IL27RA: variants seen among roughly 807,000 people sequenced by gnomAD.
The protein encoded by IL27RA is interleukin-27 receptor subunit alpha.
A neutral mutation model predicts 80.8 loss-of-function variants in IL27RA; 61 were observed. That is an observed-to-expected ratio of 0.76 (90% confidence interval 0.61 to 0.93). The LOEUF is 0.93. Ranked by LOEUF, IL27RA falls within the 40% of genes least tolerant of loss-of-function variation. The pLI is 0.00. For synonymous variants in IL27RA, 316 were observed against 332.5 expected (o/e 0.95, Z 0.54); for missense variants, 735 against 808.1 (o/e 0.91, Z 1.10).
At chr19:14,047,585 G>C (rs1470453625) in intron 8 of IL27RA, among the ~76,000 whole-genome samples, 1 of 151,038 alleles carries the variant, frequency 6.6e-6, no homozygotes, top group African/African-American at 2.4e-5. Flanking sequence ...TCAAACTCCT[G>C]ACCTCAAGAG....
intron 2 of IL27RA, among the ~76,000 whole-genome samples, chr19:14,037,340 A>C (rs76518002): frequency 2.0e-5 from 3 of 151,538 alleles, no homozygotes; most frequent in Admixed American, 6.6e-5. Flanking sequence ...AGCTCAATGC[A>C]ACCTCCATCT....
At chr19:14,037,853 A>G (rs1408509930) in intron 2 of IL27RA, among the ~76,000 whole-genome samples, 1 of 102,804 alleles carries the variant, frequency 9.7e-6, no homozygotes, top group Non-Finnish European at 2.1e-5. Context: ...TTTTTTTGAA[A>G]TGGAGTCTTG....
chr19:14,034,392 G>A (rs1032934701), intron 2 of IL27RA, among the ~76,000 whole-genome samples: 7 of 152,088 alleles, frequency 4.6e-5, no homozygotes, highest in Non-Finnish European at 4.4e-5. Context: ...CTACACGGTG[G>A]CTCACGCCTG....
At chr19:14,047,585 G>A (rs1470453625) in intron 8 of IL27RA, among the ~76,000 whole-genome samples, 1 of 151,038 alleles carries the variant, frequency 6.6e-6, no homozygotes, top group African/African-American at 2.4e-5. Context: ...TCAAACTCCT[G>A]ACCTCAAGAG....
intron 4 of IL27RA, 105 bp from the exon 5 acceptor site, chr19:14,042,345 CACA>C: frequency 1.7e-6 from 2 of 1,204,144 alleles, no homozygotes; most frequent in African/African-American, 1.5e-5. Flanking sequence ...TAGCCTGGGC[CACA>C]ACGAGACTGT....
chr19:14,032,122 CTG>C, intron 1 of IL27RA, 150 bp downstream of exon 1: 2 of 780,770 alleles, frequency 2.6e-6, no homozygotes, highest in Middle Eastern at 2.4e-4. Flanking sequence ...CCCGGCGACA[CTG>C]GGGAATGGGC....
intron 6 of IL27RA, among the ~76,000 whole-genome samples, chr19:14,045,265 CA>C (rs1976047913): frequency 1.4e-5 from 2 of 145,818 alleles, no homozygotes; most frequent in South Asian, 4.3e-4. Flanking sequence ...TCAGCCTGTA[CA>C]ATAGTGAGAA....
rs1162086508 is a variant in IL27RA at position 14,052,908 on chromosome 19, A to G, written c.*618A>G. On this transcript the variant is annotated 3_prime_UTR_variant, in exon 14 of 14. Coordinates refer to ENST00000263379, the MANE Select transcript of IL27RA (RefSeq NM_004843.4). ...ATAAACAAACTAATAAAAAGCAAAA[A>G]AAAAAAAAAAAGAAAAGAAAAAACA... 6.7e-6 allele frequency: 1 copy of G among 149,228 alleles called. No homozygotes were observed. Among genetic ancestry groups the G allele is most frequent in the Non-Finnish European group, 1.5e-5 (1 of 67,964 alleles). 9.2% of individuals were successfully genotyped at this position (149,228 alleles called of 1,614,324 possible). A position where few individuals can be genotyped will look rare whatever the true frequency, so the allele number is the denominator to read the frequency against.
intron 2 of IL27RA, among the ~76,000 whole-genome samples, chr19:14,035,216 C>T (rs985997994): frequency 2.0e-5 from 3 of 152,022 alleles, no homozygotes; most frequent in Admixed American, 6.6e-5. Flanking sequence ...AGACTGCTTT[C>T]GAACTACTGG....
At chr19:14,037,832 C>CTCTT (rs1020106449) in intron 2 of IL27RA, among the ~76,000 whole-genome samples, 1 of 125,056 alleles carries the variant, frequency 8.0e-6, no homozygotes, top group Non-Finnish European at 1.7e-5. Flanking sequence ...CGCTCTCTCT[C>CTCTT]TCTTTTTTTT....
intron 2 of IL27RA, among the ~76,000 whole-genome samples, chr19:14,038,501 C>T (rs1975937422): frequency 6.7e-6 from 1 of 150,058 alleles, no homozygotes; most frequent in African/African-American, 2.5e-5. Flanking sequence ...TTGCTTGAGC[C>T]TAGGAGTTCA....
At position 14,042,477 on chromosome 19, in the gene IL27RA, C is replaced by T. The variant is rs771613943; in HGVS notation, c.559C>T (p.Pro187Ser). The change falls in exon 5 of 14, where the codon CCC (proline) becomes TCC (serine). Residue 187 changes from proline (P) to serine (S), a missense_variant. Transcript: ENST00000263379. ...TLLEPELKTI[P>S]LTPVEIQDLE... ...GCTGGAACCGGAGCTGAAGACCATACCCCTGACCCCTGTTGAGATCCAAGA... is the reference window on the plus strand; with the variant it reads ...GCTGGAACCGGAGCTGAAGACCATATCCCTGACCCCTGTTGAGATCCAAGA... 6.2e-6 allele frequency: 10 copies of T among 1,614,050 alleles called. No individual in the cohort carries two copies. In the South Asian group the frequency reaches 1.1e-4, roughly 18 times the overall value.
chr19:14,046,125 AT>A, intron 6 of IL27RA, 28 bp from the exon 7 acceptor site: 1 of 1,602,166 alleles, frequency 6.2e-7, no homozygotes. Flanking sequence ...AATGGGAGAC[AT>A]TAACCCCTTT....
intron 1 of IL27RA, 42 bp from the exon 2 acceptor site, chr19:14,032,344 G>C (rs565629417): frequency 6.9e-7 from 1 of 1,449,110 alleles, no homozygotes; most frequent in African/African-American, 1.4e-5. Context: ...GGAAGGGGGG[G>C]ATTCGACCCC....
chr19:14,042,256 C>T (rs1975999806), intron 4 of IL27RA, among the ~76,000 whole-genome samples, 197 bp from the exon 5 acceptor site: 1 of 151,612 alleles, frequency 6.6e-6, no homozygotes. Context: ...ATCCCAGCTA[C>T]TCAGGAGGCT....
intron 2 of IL27RA, among the ~76,000 whole-genome samples, chr19:14,032,785 G>C (rs1403705374): frequency 7.3e-6 from 1 of 137,534 alleles, no homozygotes; most frequent in Non-Finnish European, 1.5e-5. Context: ...CAGCCTGGGG[G>C]ACAGAGGGAG....
intron 4 of IL27RA, among the ~76,000 whole-genome samples, chr19:14,041,103 A>C (rs1975984235): frequency 6.6e-6 from 1 of 150,512 alleles, no homozygotes. Context: ...GGGTTTCTCC[A>C]TGTTGGTCAG....
At position 14,046,442 on chromosome 19, in the gene IL27RA, C is replaced by T. The variant is rs752646457; in HGVS notation, c.965C>T (p.Ala322Val). The T allele has an allele frequency of 1.9e-6, 3 of 1,613,948 alleles. No homozygotes were observed. Among genetic ancestry groups the T allele is most frequent in the South Asian group, 1.1e-5 (1 of 91,088 alleles). The change falls in exon 8 of 14, where the codon GCC becomes GTC. Residue 322 changes from alanine to valine, a missense_variant. By Grantham distance (64) the Ala-to-Val change is moderately conservative (BLOSUM62 0). Coordinates refer to ENST00000263379, the MANE Select transcript of IL27RA (RefSeq NM_004843.4). ...LSLVCLDSAS[A>V]PRSVAVSSIA... ...CTCCACCCTCCAGATTCAGCCTCTG[C>T]CCCCCGTAGCGTGGCAGTCAGCAGC...
chr19:14,031,831 C>A lies in IL27RA; in HGVS notation c.-42C>A, dbSNP rs750234906. On this transcript the variant is annotated 5_prime_UTR_variant, in exon 1 of 14. Transcript: ENST00000263379. ...AAGAGGAGCAGCGCGGCCGCGCGGA[C>A]CCGGCAAGGCTGGGCCGGACTCGGG... The A allele has an allele frequency of 3.3e-6, 5 of 1,513,162 alleles. No individual in the cohort carries two copies. The East Asian group carries it at 1.2e-4, about 37-fold the overall frequency. 93.7% of individuals were successfully genotyped at this position (1,513,162 alleles called of 1,614,324 possible).
Sources: gnomAD v4.1 joint callset for allele counts (sites outside exome capture counted in the v4.1 genomes callset) on GRCh38, gnomAD v4.1.1 for gene constraint, MANE v1.5 for transcripts, NCBI Gene and HGNC (gene_info 2026-07-23, HGNC 2026-07-21) for gene names.